Variants in NEGR1 observed in about 807,000 individuals in gnomAD.
NEGR1 encodes neuronal growth regulator 1, also known as IgLON family member 4.
Under a neutral mutation model 40.9 loss-of-function variants are expected in NEGR1, and 10 were observed. The ratio of observed to expected loss-of-function variants is 0.24; its 90% CI spans 0.15 to 0.42. The LOEUF (loss-of-function observed/expected upper bound fraction) is 0.42. NEGR1 is among the 10% of genes least tolerant of loss of function. The probability of loss-of-function intolerance (pLI) is 1.00; values close to 1 mark genes in which losing one functional copy is unlikely to be tolerated. For synonymous variants in NEGR1, 185 were observed against 166.8 expected, an observed-to-expected ratio of 1.11 and a Z score of -0.84; for missense variants, 352 against 438.9, an observed-to-expected ratio of 0.80 and a Z score of 1.77.
chr1:71,751,118 T>C (rs1308168939), intron 3 of NEGR1, among the ~76,000 whole-genome samples: 1 of 151,974 alleles, frequency 6.6e-6, no homozygotes, highest in African/African-American at 2.4e-5. Flanking sequence ...CCTGTATCCC[T>C]TTTTTAGCCT....
chr1:71,611,853 T>C (rs1650263434), intron 4 of NEGR1, among the ~76,000 whole-genome samples: 1 of 152,206 alleles, frequency 6.6e-6, no homozygotes, highest in South Asian at 2.1e-4. Flanking sequence ...CCTATTGCTC[T>C]AGCTGGAAAA....
intron 1 of NEGR1, among the ~76,000 whole-genome samples, chr1:72,123,515 T>A (rs527758323): frequency 1.3e-5 from 2 of 151,868 alleles, no homozygotes; most frequent in Admixed American, 1.3e-4. Flanking sequence ...CATTTGCCTT[T>A]ATGGCAAATG....
At chr1:71,521,037 C>T (rs763646190) in intron 6 of NEGR1, among the ~76,000 whole-genome samples, 1 of 151,980 alleles carries the variant, frequency 6.6e-6, no homozygotes, top group Admixed American at 6.6e-5. Flanking sequence ...ACTTGTCACT[C>T]TAGGGAATCT....
intron 1 of NEGR1, among the ~76,000 whole-genome samples, chr1:72,071,961 AG>A (rs1647480395): frequency 6.6e-6 from 1 of 152,138 alleles, no homozygotes; most frequent in Admixed American, 6.6e-5. Flanking sequence ...TTTTAGAAAA[AG>A]TCCAAACTCC....
At chr1:72,086,995 A>G (rs1347754793) in intron 1 of NEGR1, among the ~76,000 whole-genome samples, 1 of 152,160 alleles carries the variant, frequency 6.6e-6, no homozygotes, top group East Asian at 1.9e-4. Context: ...AATTTGAGTT[A>G]GAGTTATTTC....
intron 1 of NEGR1, among the ~76,000 whole-genome samples, chr1:72,185,038 A>G (rs540306896): frequency 6.6e-6 from 1 of 152,096 alleles, no homozygotes; most frequent in East Asian, 1.9e-4. Flanking sequence ...CAGGATAAAC[A>G]ACACTATTTT....
chr1:72,188,314 A>T (rs925085337), intron 1 of NEGR1, among the ~76,000 whole-genome samples: 2 of 151,336 alleles, frequency 1.3e-5, no homozygotes, highest in Non-Finnish European at 3.0e-5. Flanking sequence ...ATGAACATAA[A>T]TTTTTCCTTT....
In NEGR1 at chr1:71,679,047, A is replaced by G. The variant is rs557420895; in HGVS notation, c.667+18961T>C. 6.6e-5 allele frequency among the ~76,000 whole-genome samples: 10 copies of G among 152,266 alleles called. No homozygotes were observed. In the South Asian group the frequency reaches 2.1e-3, roughly 32 times the overall value. On this transcript the variant is annotated intron_variant, in intron 4 of 6. Coordinates refer to ENST00000357731, the MANE Select transcript of NEGR1 (RefSeq NM_173808.3). Reference sequence around the variant, plus strand: ...GATTGCTCTGGAAGTGACGTGGAGGAATTGAAAATGAAACAGATCTGGCTT... The same window carrying G: ...GATTGCTCTGGAAGTGACGTGGAGGGATTGAAAATGAAACAGATCTGGCTT...
chr1:72,098,247 T>C (rs1477939361), intron 1 of NEGR1, among the ~76,000 whole-genome samples: 1 of 152,120 alleles, frequency 6.6e-6, no homozygotes, highest in Non-Finnish European at 1.5e-5. Context: ...CCCCAGATCA[T>C]AATAGTTTAT....
chr1:71,934,234 A>T (rs1645881985), intron 2 of NEGR1, among the ~76,000 whole-genome samples: 1 of 152,126 alleles, frequency 6.6e-6, no homozygotes, highest in Non-Finnish European at 1.5e-5. Flanking sequence ...TAAAAAATAA[A>T]CGTTTTCCAT....
intron 1 of NEGR1, among the ~76,000 whole-genome samples, chr1:72,144,063 C>T (rs934580168): frequency 3.0e-5 from 3 of 98,374 alleles, no homozygotes; most frequent in Non-Finnish European, 6.1e-5. Context: ...CCCTCAAATG[C>T]TGTGAGGTAA....
At chr1:72,106,532 G>T (rs1458640501) in intron 1 of NEGR1, among the ~76,000 whole-genome samples, 1 of 142,824 alleles carries the variant, frequency 7.0e-6, no homozygotes, top group Non-Finnish European at 1.6e-5. Flanking sequence ...AAATAAAAAG[G>T]CTGGGAGAAA....
At chr1:71,562,716 A>G (rs768665750) in intron 6 of NEGR1, among the ~76,000 whole-genome samples, 1 of 151,936 alleles carries the variant, frequency 6.6e-6, no homozygotes, top group Non-Finnish European at 1.5e-5. Flanking sequence ...AGGTAAAAGC[A>G]GTGATTTGTT....
chr1:71,956,573 C>G (rs1470692560), intron 1 of NEGR1, among the ~76,000 whole-genome samples: 2 of 151,916 alleles, frequency 1.3e-5, no homozygotes, highest in Admixed American at 1.3e-4. Flanking sequence ...TCATCAAAGT[C>G]AAGGTGAGAA....
intron 1 of NEGR1, among the ~76,000 whole-genome samples, chr1:72,079,889 T>C (rs1272319958): frequency 6.6e-6 from 1 of 152,094 alleles, no homozygotes; most frequent in Non-Finnish European, 1.5e-5. Flanking sequence ...TGGAGATCAC[T>C]GAACCAGAAA....
rs370560514 is a variant in NEGR1 at position 71,431,058 on chromosome 1, T to C, written c.941-23488A>G. ...CACCGCGCCCGGCCAAAAAAGACTT[T>C]TTTTTTTATGATCTTTTTTTTATGA... On this transcript the variant is annotated intron_variant, in intron 6 of 6. Coordinates refer to ENST00000357731, the MANE Select transcript of NEGR1 (RefSeq NM_173808.3). Among the ~76,000 whole-genome samples, 3 of 143,184 alleles carry C rather than the reference T, an allele frequency of 2.1e-5. No individual in the cohort carries two copies. In the East Asian group the frequency reaches 6.0e-4, roughly 28 times the overall value. The allele number at this position is 143,184 out of a possible 152,430, so 93.9% of individuals were successfully genotyped here.
At chr1:71,778,847 C>A (rs1486311940) in intron 2 of NEGR1, among the ~76,000 whole-genome samples, 1 of 152,124 alleles carries the variant, frequency 6.6e-6, no homozygotes, top group Admixed American at 6.5e-5. Context: ...ATTTAAAGTG[C>A]TAAACATTAT....
intron 3 of NEGR1, among the ~76,000 whole-genome samples, chr1:71,706,241 A>G (rs1653895679): frequency 6.6e-6 from 1 of 152,130 alleles, no homozygotes; most frequent in African/African-American, 2.4e-5. Context: ...AGAACGGAAA[A>G]CCAGATCAAA....
intron 1 of NEGR1, among the ~76,000 whole-genome samples, chr1:72,131,951 T>C (rs572335734): frequency 1.3e-5 from 2 of 151,890 alleles, no homozygotes; most frequent in Admixed American, 1.3e-4. Flanking sequence ...ACAAAAAAAT[T>C]AGCCAGGCGT....
Sources: allele counts gnomAD v4.1 joint callset (sites outside exome capture counted in the v4.1 genomes callset), GRCh38; gene constraint gnomAD v4.1.1; transcripts MANE v1.5; gene names NCBI Gene and HGNC (gene_info 2026-07-23, HGNC 2026-07-21).